LIMK2: variants seen among roughly 807,000 people sequenced by gnomAD.
The protein encoded by LIMK2 is LIM domain kinase 2.
LIMK2 carries 35 observed loss-of-function variants against 75.7 expected under a neutral mutation model. That is an observed-to-expected ratio of 0.46 (90% confidence interval 0.35 to 0.61). The LOEUF is 0.61. LIMK2 is among the 20% of genes least tolerant of loss of function. The pLI is 0.00. For synonymous variants in LIMK2, 301 were observed against 319.2 expected, an observed-to-expected ratio of 0.94 and a Z score of 0.61; for missense variants, 623 against 831.0, an observed-to-expected ratio of 0.75 and a Z score of 3.08.
intron 2 of LIMK2, among the ~76,000 whole-genome samples, chr22:31,249,633 T>G (rs1044331687): frequency 6.6e-6 from 1 of 152,146 alleles, no homozygotes; most frequent in Non-Finnish European, 1.5e-5. Flanking sequence ...GAGCAGCCTG[T>G]TGTTCCAAAA....
At chr22:31,272,857 G>A (rs1050545314) in intron 13 of LIMK2, 153 bp downstream of exon 13, 10 of 1,407,018 alleles carry the variant, frequency 7.1e-6, no homozygotes, top group Middle Eastern at 5.3e-4. Context: ...GGGGCCTCAC[G>A]ATTTAGCTCC....
At chr22:31,277,564 A>T in intron 15 of LIMK2, 1 of 995,054 alleles carries the variant, frequency 1.0e-6, no homozygotes, top group Non-Finnish European at 1.2e-6. Flanking sequence ...TTGTGAAGCT[A>T]CACAGTATTT....
intron 11 of LIMK2, among the ~76,000 whole-genome samples, chr22:31,268,411 A>C (rs1338707251): frequency 7.8e-6 from 1 of 127,716 alleles, no homozygotes; most frequent in Non-Finnish European, 1.7e-5. Flanking sequence ...ACATCTCTAA[A>C]GGCAAACAGG....
chr22:31,248,768 C>T (rs1397026108), intron 2 of LIMK2: 1 of 1,614,136 alleles, frequency 6.2e-7, no homozygotes, highest in Non-Finnish European at 8.5e-7. Context: ...AGACCTGTTT[C>T]GGTGAGTTGG....
intron 2 of LIMK2, chr22:31,248,860 C>A: frequency 3.7e-6 from 5 of 1,369,858 alleles, no homozygotes; most frequent in Non-Finnish European, 5.2e-6. Flanking sequence ...CTCACTTAGT[C>A]CTTTACCATC....
intron 1 of LIMK2, among the ~76,000 whole-genome samples, chr22:31,220,265 C>T (rs2048422556): frequency 6.6e-6 from 1 of 152,184 alleles, no homozygotes; most frequent in African/African-American, 2.4e-5. Flanking sequence ...AACAGGTAAA[C>T]TGAGGCCAGG....
Position 31,262,486 on chromosome 22 carries a change from C to T in LIMK2, c.658-109C>T. ...GAGGCCACTGGCAGCTAAAGGCCACCATTAGACAAGTTGAGCACTGGCCAC... is the reference window on the plus strand; with the variant it reads ...GAGGCCACTGGCAGCTAAAGGCCACTATTAGACAAGTTGAGCACTGGCCAC... On this transcript the variant is annotated intron_variant, in intron 6 of 15. Coordinates refer to ENST00000331728, the MANE Select transcript of LIMK2 (RefSeq NM_005569.4). This position sits in a 1 kb window ranked among gnomAD's most constrained non-coding sequence, Gnocchi z 5.0. 8.9e-7 allele frequency: 1 copy of T among 1,118,660 alleles called. No individual in the cohort carries two copies. Among genetic ancestry groups the T allele is most frequent in the Non-Finnish European group, 1.3e-6 (1 of 765,028 alleles). 69.3% of individuals were successfully genotyped at this position (1,118,660 alleles called of 1,614,324 possible). A position where few individuals can be genotyped will look rare whatever the true frequency, so the allele number is the denominator to read the frequency against.
At chr22:31,271,368 G>A (rs983710024) in intron 12 of LIMK2, among the ~76,000 whole-genome samples, 167 bp downstream of exon 12, 1 of 152,102 alleles carries the variant, frequency 6.6e-6, no homozygotes, top group Non-Finnish European at 1.5e-5. Context: ...TCCTCTGGGA[G>A]CTCCGAGACA....
intron 2 of LIMK2, among the ~76,000 whole-genome samples, chr22:31,255,417 C>T (rs1400647542): frequency 6.6e-6 from 1 of 152,168 alleles, no homozygotes; most frequent in Non-Finnish European, 1.5e-5. Flanking sequence ...CCTGAAGTTC[C>T]CCTTCCATAA....
At chr22:31,266,807 G>C (rs945519665) in intron 8 of LIMK2, among the ~76,000 whole-genome samples, 177 bp from the exon 9 acceptor site, 2 of 152,226 alleles carry the variant, frequency 1.3e-5, no homozygotes, top group African/African-American at 2.4e-5. Flanking sequence ...AAGAGGGTTT[G>C]CTTCCGTGTG....
At chr22:31,258,193 G>A (rs112071152) in intron 2 of LIMK2, 98 bp from the exon 3 acceptor site, 3 of 1,281,112 alleles carry the variant, frequency 2.3e-6, no homozygotes, top group Admixed American at 2.2e-5. Context: ...GATCAAAGAG[G>A]ACTGTCCATT....
chr22:31,214,379 T>C (rs1486975815), intron 1 of LIMK2, among the ~76,000 whole-genome samples: 2 of 152,226 alleles, frequency 1.3e-5, no homozygotes, highest in African/African-American at 4.8e-5. Flanking sequence ...GGACAATAAA[T>C]AATTGTAACA....
At chr22:31,233,184 A>G (rs927298892) in intron 2 of LIMK2, among the ~76,000 whole-genome samples, 1 of 152,208 alleles carries the variant, frequency 6.6e-6, no homozygotes, top group Non-Finnish European at 1.5e-5. Context: ...CCACCTGACC[A>G]TGAGTCAGCT....
intron 2 of LIMK2, among the ~76,000 whole-genome samples, chr22:31,250,111 A>G (rs148133850): frequency 3.3e-5 from 5 of 152,248 alleles, no homozygotes; most frequent in African/African-American, 9.6e-5. Flanking sequence ...GAGAGTAAAA[A>G]AAGGGATAGT....
intron 11 of LIMK2, among the ~76,000 whole-genome samples, chr22:31,268,680 T>C (rs1487966313): frequency 6.6e-6 from 1 of 152,200 alleles, no homozygotes; most frequent in African/African-American, 2.4e-5. Flanking sequence ...CTATTTCACC[T>C]GGAAACAAAT....
chr22:31,257,040 A>ATTTTTTT lies in LIMK2; in HGVS notation c.117-1223_117-1217dup, dbSNP rs529919320. Among the ~76,000 whole-genome samples the ATTTTTTT allele has an allele frequency of 2.0e-3, 148 of 75,046 alleles. 9 individuals carry two copies. Among genetic ancestry groups the ATTTTTTT allele is most frequent in the Non-Finnish European group, 2.7e-3 (93 of 33,842 alleles). 49.2% of individuals were successfully genotyped at this position (75,046 alleles called of 152,430 possible). A position where few individuals can be genotyped will look rare whatever the true frequency, so the allele number is the denominator to read the frequency against. ...TCATTAGGGGAGAAGGGAGCTATAGATTTTTTTTTTTTTTTTTTTTTTTTT... is the reference window on the plus strand; with the variant it reads ...TCATTAGGGGAGAAGGGAGCTATAGATTTTTTTTTTTTTTTTTTTTTTTTTTTTTTTT... On this transcript the variant is annotated intron_variant, in intron 2 of 15. Transcript: ENST00000331728.
chr22:31,218,127 C>A (rs917444434), intron 1 of LIMK2, among the ~76,000 whole-genome samples: 4 of 152,176 alleles, frequency 2.6e-5, no homozygotes, highest in Non-Finnish European at 5.9e-5. Flanking sequence ...GTGCCTGGCA[C>A]CATGGGAGAT....
intron 9 of LIMK2, 110 bp from the exon 10 acceptor site, chr22:31,267,666 G>A: frequency 8.5e-7 from 1 of 1,176,260 alleles, no homozygotes; most frequent in Non-Finnish European, 1.2e-6. Flanking sequence ...CAAGATAGGA[G>A]GTAGGAGATA....
At chr22:31,258,772 C>T (rs2048809837) in intron 3 of LIMK2, 3 of 383,854 alleles carry the variant, frequency 7.8e-6, no homozygotes, top group Non-Finnish European at 9.7e-6. Context: ...CTGGAATAGG[C>T]TGGCAGAGAG....
Sources: allele counts gnomAD v4.1 joint callset (sites outside exome capture counted in the v4.1 genomes callset), GRCh38; gene constraint gnomAD v4.1.1; non-coding constraint Gnocchi (gnomAD v3.1); transcripts MANE v1.5; gene names NCBI Gene and HGNC (gene_info 2026-07-23, HGNC 2026-07-21).